Variants in GRM4 observed in about 807,000 individuals in gnomAD.
GRM4 encodes the protein metabotropic glutamate receptor 4.
In GRM4, 28 loss-of-function variants were observed where a neutral mutation model predicts 81.7. That is an observed-to-expected ratio of 0.34 (90% CI 0.25 to 0.47). The LOEUF is 0.47. Among genes scored for constraint, GRM4 ranks in the 20% least tolerant of loss-of-function variants. The pLI, the probability that GRM4 is intolerant of heterozygous loss-of-function variation, is 1.00. For synonymous variants in GRM4, 488 were observed against 528.8 expected (o/e 0.92, Z 1.06); for missense variants, 948 against 1,290.0 (o/e 0.73, Z 4.06).
At chr6:34,138,691 A>T (rs186328609) in intron 1 of GRM4, among the ~76,000 whole-genome samples, 1 of 152,212 alleles carries the variant, frequency 6.6e-6, no homozygotes, top group Non-Finnish European at 1.5e-5. Context: ...CTCGCAGGCC[A>T]TGGGGAAGGT....
intron 2 of GRM4, among the ~76,000 whole-genome samples, chr6:34,093,944 T>G (rs550624880): frequency 1.8e-4 from 27 of 152,346 alleles, no homozygotes; most frequent in African/African-American, 6.5e-4. Context: ...TAAAATGGCA[T>G]GTACTACATT....
At chr6:34,117,086 A>G (rs750255625) in intron 2 of GRM4, among the ~76,000 whole-genome samples, 1 of 152,232 alleles carries the variant, frequency 6.6e-6, no homozygotes, top group Non-Finnish European at 1.5e-5. Flanking sequence ...ATACCGGCAA[A>G]TGCATTTATA....
intron 2 of GRM4, among the ~76,000 whole-genome samples, chr6:34,101,649 C>T (rs1768844897): frequency 6.6e-6 from 1 of 152,362 alleles, no homozygotes; most frequent in African/African-American, 2.4e-5. Context: ...CCACTCCTGG[C>T]TGTCAAACTA....
At chr6:34,094,993 T>C (rs1755694598) in intron 2 of GRM4, among the ~76,000 whole-genome samples, 1 of 152,164 alleles carries the variant, frequency 6.6e-6, no homozygotes, top group Non-Finnish European at 1.5e-5. Flanking sequence ...CCAGACTCGT[T>C]AGAAGCCTTC....
intron 2 of GRM4, among the ~76,000 whole-genome samples, chr6:34,118,625 G>A (rs1237496413): frequency 6.6e-6 from 1 of 152,190 alleles, no homozygotes; most frequent in East Asian, 1.9e-4. Flanking sequence ...TTATCCCTGA[G>A]TTCCCTATTA....
chr6:34,076,544 C>G (rs1767321912), intron 3 of GRM4, among the ~76,000 whole-genome samples: 1 of 152,230 alleles, frequency 6.6e-6, no homozygotes, highest in South Asian at 2.1e-4. Flanking sequence ...TGCTGGCCCA[C>G]ACCGGGGAGG....
chr6:34,106,653 C>T (rs1769141501), intron 2 of GRM4, among the ~76,000 whole-genome samples: 1 of 152,130 alleles, frequency 6.6e-6, no homozygotes, highest in Non-Finnish European at 1.5e-5. Flanking sequence ...TTCCACACAC[C>T]ACTCCCTGCA....
Position 34,059,028 on chromosome 6 carries a change from CCAGGTGCAGCA to C in GRM4, c.962_972del (p.Val321GlyfsTer5). ...GTGACAGCACCCTCAGCCACCTCCT[CCAGGTGCAGCA>C]CAGGTGCAATCTTGGAGCCCCAGCT... On this transcript the variant is annotated frameshift_variant, in exon 5 of 11. Coordinates refer to ENST00000538487, the MANE Select transcript of GRM4 (RefSeq NM_000841.4). LOFTEE classifies it high-confidence loss of function. The surrounding 1 kb of genome is among the most constrained non-coding windows in gnomAD (Gnocchi z 5.7). 1 of 1,613,776 alleles carries C rather than the reference CCAGGTGCAGCA, an allele frequency of 6.2e-7. No homozygotes were observed. The highest frequency in any genetic ancestry group is 1.3e-5 in the African/African-American group (1 of 75,016).
rs1397728402 is a variant in GRM4, at chr6:34,090,594, G to T, written c.736+1289C>A. On this transcript the variant is annotated intron_variant, in intron 3 of 10. Transcript: ENST00000538487. This position sits in a 1 kb window ranked among gnomAD's most constrained non-coding sequence, Gnocchi z 5.2. Reference sequence around the variant, plus strand: ...TGCTCTGCCAGGCTGCAGAAGTGGGGAGTAGCCTGGAGCCTCAGCCATCAG... The same window carrying T: ...TGCTCTGCCAGGCTGCAGAAGTGGGTAGTAGCCTGGAGCCTCAGCCATCAG... Among the ~76,000 whole-genome samples the T allele has an allele frequency of 6.6e-6, 1 of 152,068 alleles. No homozygotes were observed. The highest frequency in any genetic ancestry group is 2.4e-5 in the African/African-American group (1 of 41,414).
rs751143166 is a variant in GRM4 at position 34,111,222 on chromosome 6, C to T, written c.520-19123G>A. On this transcript the variant is annotated intron_variant, in intron 2 of 10. Coordinates refer to ENST00000538487, the MANE Select transcript of GRM4 (RefSeq NM_000841.4). This position sits in a 1 kb window ranked among gnomAD's most constrained non-coding sequence, Gnocchi z 5.1. ...CAGACAGGCAAGAACACTTCAGGCACATGGGTGCACTGAGCATCCCTAGAC... is the reference window on the plus strand; with the variant it reads ...CAGACAGGCAAGAACACTTCAGGCATATGGGTGCACTGAGCATCCCTAGAC... 2.0e-5 allele frequency among the ~76,000 whole-genome samples: 3 copies of T among 150,894 alleles called. No homozygotes were observed. The highest frequency in any genetic ancestry group is 4.4e-5 in the Non-Finnish European group (3 of 67,922).
At chr6:34,126,278 T>C (rs758157316) in intron 2 of GRM4, among the ~76,000 whole-genome samples, 17 of 152,156 alleles carry the variant, frequency 1.1e-4, no homozygotes, top group Non-Finnish European at 1.8e-4. Flanking sequence ...TTCTGCAAAA[T>C]AGGGATAACA....
chr6:34,056,765 G>C, intron 5 of GRM4, 81 bp from the exon 6 acceptor site: 2 of 1,494,808 alleles, frequency 1.3e-6, no homozygotes, highest in Non-Finnish European at 1.8e-6. Context: ...CCCAGGATAA[G>C]AGATGGTCCA....
chr6:34,139,490 T>G (rs902364821), intron 1 of GRM4, among the ~76,000 whole-genome samples: 1 of 152,234 alleles, frequency 6.6e-6, no homozygotes, highest in Non-Finnish European at 1.5e-5. Context: ...AAGAAGCAGC[T>G]GAGATCCTTC....
intron 2 of GRM4, chr6:34,105,955 C>T (rs959317315): frequency 1.3e-5 from 2 of 152,350 alleles, no homozygotes; most frequent in African/African-American, 4.8e-5. Context: ...AGGTCCACAG[C>T]TCCAGCATCT....
At chr6:34,145,837 C>G (rs1321498609) in intron 1 of GRM4, among the ~76,000 whole-genome samples, 163 bp downstream of exon 1, 6 of 152,190 alleles carry the variant, frequency 3.9e-5, no homozygotes, top group East Asian at 1.9e-4. Context: ...GAGCCCACCC[C>G]CTACCCCACA....
At chr6:34,029,020 C>T (rs1448227921) in intron 9 of GRM4, among the ~76,000 whole-genome samples, 1 of 152,226 alleles carries the variant, frequency 6.6e-6, no homozygotes, top group African/African-American at 2.4e-5. Context: ...AAAATGAAAG[C>T]CCATTAATCT....
chr6:34,099,441 G>A (rs1768712938), intron 2 of GRM4, among the ~76,000 whole-genome samples: 1 of 152,034 alleles, frequency 6.6e-6, no homozygotes, highest in Admixed American at 6.5e-5. Context: ...GGAGGTGGGC[G>A]GCAGGCACTT....
intron 3 of GRM4, among the ~76,000 whole-genome samples, chr6:34,085,575 C>T (rs114888058): frequency 0.015 from 2,289 of 152,220 alleles, 54 homozygotes; most frequent in African/African-American, 0.049. Flanking sequence ...CCTCTCAGGT[C>T]TAGGGGTGGG....
chr6:34,075,101 C>T (rs928279376), intron 3 of GRM4, among the ~76,000 whole-genome samples: 1 of 152,224 alleles, frequency 6.6e-6, no homozygotes, highest in African/African-American at 2.4e-5. Context: ...TGGTCTGACC[C>T]GCGGGCAGTG....
Sources: gnomAD v4.1 joint callset for allele counts (sites outside exome capture counted in the v4.1 genomes callset) on GRCh38, gnomAD v4.1.1 for gene constraint, Gnocchi (gnomAD v3.1) non-coding constraint, MANE v1.5 for transcripts, NCBI Gene and HGNC (gene_info 2026-07-23, HGNC 2026-07-21) for gene names.